NOL8: variants seen among roughly 807,000 people sequenced by gnomAD.
NOL8 encodes the protein nucleolar protein 8.
A neutral mutation model predicts 116.1 loss-of-function variants in NOL8; 93 were observed. The observed-to-expected ratio is 0.80, with a 90% CI of 0.68 to 0.95. The LOEUF (loss-of-function observed/expected upper bound fraction) is 0.95. Ranked by LOEUF, NOL8 falls within the 40% of genes least tolerant of loss-of-function variation. NOL8 has a pLI of 0.00. For missense variants in NOL8, 1,291 were observed against 1,382.8 expected (o/e 0.93, Z 1.05); for synonymous variants, 419 against 469.0 (o/e 0.89, Z 1.38).
At chr9:92,309,778 C>T (rs1043460110) in intron 10 of NOL8, among the ~76,000 whole-genome samples, 1 of 152,160 alleles carries the variant, frequency 6.6e-6, no homozygotes, top group African/African-American at 2.4e-5. Flanking sequence ...AAATAATCTG[C>T]ACCAGGTATG....
In NOL8 at chr9:92,314,468, A is replaced by G; in HGVS notation, c.2157T>C (p.Ser719=). ...EERSDSSGLT[S]LKKSPKVSSK... The stretch of plus-strand genomic sequence containing the variant: ...ATGAGACCTTTGGTGATTTCTTGAG[A>G]GATGTGAGGCCGCTTGAATCAGACC... The change falls in exon 7 of 17, where the codon TCT becomes TCC. Residue 719 remains serine (S), a synonymous_variant. Transcript: ENST00000442668. 6.2e-7 allele frequency: 1 copy of G among 1,612,574 alleles called. No homozygotes were observed. The highest frequency in any genetic ancestry group is 8.5e-7 in the Non-Finnish European group (1 of 1,178,790).
chr9:92,312,827 C>CAAA (rs35089570), intron 7 of NOL8, among the ~76,000 whole-genome samples: 193 of 55,366 alleles, frequency 3.5e-3, no homozygotes, highest in East Asian at 0.029. Context: ...AACTCCATCT[C>CAAA]AAAAAAAAAA....
In NOL8 at chr9:92,297,775, C is replaced by T. The variant is rs1466253532; in HGVS notation, c.*61G>A. On this transcript the variant is annotated 3_prime_UTR_variant, in exon 17 of 17. Transcript: ENST00000442668. Reference sequence around the variant, plus strand: ...CTTCTTTGTCAGCTAAAACTGTTTTCTGGGTCAGTTTCCTTAGGTGAGCCT... The same window carrying T: ...CTTCTTTGTCAGCTAAAACTGTTTTTTGGGTCAGTTTCCTTAGGTGAGCCT... 1.6e-6 allele frequency: 2 copies of T among 1,260,044 alleles called. No individual in the cohort carries two copies. Among genetic ancestry groups the T allele is most frequent in the Non-Finnish European group, 1.1e-6 (1 of 916,846 alleles). 78.1% of individuals were successfully genotyped at this position (1,260,044 alleles called of 1,614,324 possible).
intron 4 of NOL8, among the ~76,000 whole-genome samples, chr9:92,320,534 G>C (rs1388274530): frequency 6.6e-6 from 1 of 151,798 alleles, no homozygotes; most frequent in East Asian, 1.9e-4. Context: ...ATCTGTTCTT[G>C]TTACATTTCA....
chr9:92,301,157 C>A (rs1283150742), intron 13 of NOL8, among the ~76,000 whole-genome samples: 2 of 152,174 alleles, frequency 1.3e-5, no homozygotes, highest in Non-Finnish European at 2.9e-5. Context: ...TTGTGTAAAA[C>A]CAAGGTTACC....
Position 92,306,908 on chromosome 9 carries a change from A to T in NOL8, c.2803T>A (p.Ser935Thr), listed in dbSNP as rs745340090. Residue 935 changes from serine to threonine, a missense_variant, in exon 11 of 17, where the codon TCA becomes ACA. Coordinates refer to ENST00000442668, the MANE Select transcript of NOL8 (RefSeq NM_017948.6). ...TACTTAAATTTCTTAGCAGCTACTGATCCTCTGTTTGTAGAATTGCTTAAG... is the reference window on the plus strand; with the variant it reads ...TACTTAAATTTCTTAGCAGCTACTGTTCCTCTGTTTGTAGAATTGCTTAAG... ...INLSNSTNRG[S>T]VAAKKFKDII... 1.5e-5 allele frequency: 24 copies of T among 1,612,896 alleles called. No individual in the cohort carries two copies. The East Asian group carries it at 4.2e-4, about 28-fold the overall frequency.
intron 4 of NOL8, chr9:92,320,415 C>T (rs1197879434): frequency 8.3e-6 from 2 of 242,268 alleles, no homozygotes; most frequent in South Asian, 5.0e-5. Flanking sequence ...ACCCTGTTCA[C>T]AGTCCTAGGC....
At chr9:92,297,983 T>C in intron 16 of NOL8, 97 bp from the exon 17 acceptor site, 1 of 1,061,564 alleles carries the variant, frequency 9.4e-7, no homozygotes, top group Non-Finnish European at 1.4e-6. Flanking sequence ...GTCAGGGCTG[T>C]GGAAACCTAT....
chr9:92,298,132 G>T (rs780827901), intron 16 of NOL8, 125 bp downstream of exon 16: 51 of 738,590 alleles, frequency 6.9e-5, no homozygotes, highest in Non-Finnish European at 9.9e-5. Flanking sequence ...TCTGAGACCA[G>T]TCACTCAATT....
rs189619241 is a variant in NOL8, at chr9:92,315,687, G to T, written c.938C>A (p.Ala313Glu). 1.2e-6 allele frequency: 2 copies of T among 1,611,664 alleles called. No individual in the cohort carries two copies. The highest frequency in any genetic ancestry group is 3.4e-5 in the Admixed American group (2 of 59,694). ...DSEDELRMMI[A>E]KEENLQRTTQ... ...AGTTCTCTGTAAGTTTTCCTCTTTC[G>T]CAATCATCATTCTCAATTCATCTTC... The change falls in exon 7 of 17, where the codon GCG (alanine) becomes GAG (glutamate). Residue 313 changes from alanine (A) to glutamate (E), a missense_variant. Transcript: ENST00000442668.
intron 4 of NOL8, chr9:92,320,238 G>A: frequency 2.2e-6 from 1 of 454,812 alleles, no homozygotes; most frequent in Non-Finnish European, 4.4e-6. Flanking sequence ...TTTGCCTCTG[G>A]TCTGTCTCCT....
chr9:92,324,511 G>A lies in NOL8; in HGVS notation c.-48-302C>T, dbSNP rs143615205. On this transcript the variant is annotated intron_variant, in intron 1 of 16. Transcript: ENST00000442668. The stretch of plus-strand genomic sequence containing the variant: ...ATTTTATGTATTCATGTTTTTAGAT[G>A]TTTTTCCTTGACTCACTCATACATT... 1.3e-4 allele frequency: 22 copies of A among 166,854 alleles called. 1 individual carries two copies. In the East Asian group the frequency reaches 3.5e-3, roughly 26 times the overall value. The allele number at this position is 166,854 out of a possible 1,614,324, so 10.3% of individuals were successfully genotyped here.
At chr9:92,307,068 C>T (rs750047836) in intron 10 of NOL8, 44 bp from the exon 11 acceptor site, 1 of 1,566,174 alleles carries the variant, frequency 6.4e-7, no homozygotes, top group Admixed American at 1.9e-5. Flanking sequence ...GAAAACACAG[C>T]CTGAGAAGTC....
intron 10 of NOL8, among the ~76,000 whole-genome samples, chr9:92,307,829 A>G (rs1366167394): frequency 1.3e-5 from 2 of 152,232 alleles, no homozygotes; most frequent in Non-Finnish European, 2.9e-5. Flanking sequence ...TGAGGTAGGA[A>G]AGATAGAGTT....
chr9:92,306,927 G>T lies in NOL8; in HGVS notation c.2784C>A (p.Ser928Arg). The T allele has an allele frequency of 6.2e-7, 1 of 1,613,154 alleles. No individual in the cohort carries two copies. Among genetic ancestry groups the T allele is most frequent in the Non-Finnish European group, 8.5e-7 (1 of 1,179,440 alleles). The change falls in exon 11 of 17, where the codon AGC (serine) becomes AGA (arginine). Residue 928 changes from serine to arginine, a missense_variant. Ser to Arg is a moderately radical substitution (Grantham distance 110, BLOSUM62 -1). Transcript: ENST00000442668. Reference sequence around the variant, plus strand: ...CTACTGATCCTCTGTTTGTAGAATTGCTTAAGTTGATTTGCAAAACACTTT... The same window carrying T: ...CTACTGATCCTCTGTTTGTAGAATTTCTTAAGTTGATTTGCAAAACACTTT... ...VVQSVLQINL[S>R]NSTNRGSVAA...
intron 9 of NOL8, 67 bp from the exon 10 acceptor site, chr9:92,310,328 G>T: frequency 2.2e-6 from 3 of 1,375,254 alleles, no homozygotes; most frequent in African/African-American, 1.4e-5. Context: ...GACGAAGACT[G>T]TCAATGTACA....
intron 7 of NOL8, among the ~76,000 whole-genome samples, chr9:92,312,843 A>AAAG (rs1554741476): frequency 0.019 from 2,841 of 148,458 alleles, 50 homozygotes; most frequent in South Asian, 0.055. Flanking sequence ...AAAAAAAAAA[A>AAAG]AAAAAGAAAA....
rs945118939 is a variant in NOL8 at position 92,319,084 on chromosome 9, A to C, written c.417+137T>G. 4 of 866,222 alleles carry C rather than the reference A, an allele frequency of 4.6e-6. No individual in the cohort carries two copies. The African/African-American group carries it at 5.3e-5, about 11-fold the overall frequency. 53.7% of individuals were successfully genotyped at this position (866,222 alleles called of 1,614,324 possible). A position where few individuals can be genotyped will look rare whatever the true frequency, so the allele number is the denominator to read the frequency against. On this transcript the variant is annotated intron_variant, in intron 5 of 16. Transcript: ENST00000442668. ...GTTGTAAATGCACCTTGAAAATCAT[A>C]AAGTCCTATCTATGTTAATTGCCTC...
intron 15 of NOL8, 30 bp from the exon 16 acceptor site, chr9:92,298,366 C>T: frequency 7.2e-7 from 1 of 1,395,642 alleles, no homozygotes; most frequent in East Asian, 2.4e-5. Context: ...AAAGATGAGG[C>T]AGCAAACTAC....
Sources: allele counts gnomAD v4.1 joint callset (sites outside exome capture counted in the v4.1 genomes callset), GRCh38; gene constraint gnomAD v4.1.1; transcripts MANE v1.5; gene names NCBI Gene and HGNC (gene_info 2026-07-23, HGNC 2026-07-21).